CSMD1: variants seen among roughly 807,000 people sequenced by gnomAD.
CSMD1 encodes the protein CUB and Sushi multiple domains 1, also known as CUB and sushi domain-containing protein 1.
Under a neutral mutation model 417.5 loss-of-function variants are expected in CSMD1, and 213 were observed. That is an observed-to-expected ratio of 0.51 (90% CI 0.46 to 0.57). CSMD1 has a LOEUF of 0.57. Among genes scored for constraint, CSMD1 ranks in the 20% least tolerant of loss-of-function variants. The pLI, the probability that CSMD1 is intolerant of heterozygous loss-of-function variation, is 0.00. For missense variants in CSMD1, 6,923 were observed against 4,529.7 expected, an observed-to-expected ratio of 1.53 and a Z score of -15.17; for synonymous variants, 2,862 against 1,736.8, an observed-to-expected ratio of 1.65 and a Z score of -16.11.
intron 3 of CSMD1, among the ~76,000 whole-genome samples, chr8:4,309,703 G>A (rs901114422): frequency 6.6e-6 from 1 of 151,834 alleles, no homozygotes; most frequent in African/African-American, 2.4e-5. Context: ...TTTACTCTAG[G>A]GATTGTAACA....
At chr8:4,498,991 T>C (rs1802116572) in intron 2 of CSMD1, among the ~76,000 whole-genome samples, 1 of 152,176 alleles carries the variant, frequency 6.6e-6, no homozygotes, top group Admixed American at 6.5e-5. Context: ...TAAAAAAAAG[T>C]AATTGAAACA....
chr8:4,298,186 C>T (rs1249031908), intron 3 of CSMD1, among the ~76,000 whole-genome samples: 2 of 152,050 alleles, frequency 1.3e-5, no homozygotes, highest in African/African-American at 4.8e-5. Context: ...GAGGAATCTG[C>T]CTTAGTTAAA....
At chr8:3,393,786 C>A (rs376081150) in intron 17 of CSMD1, among the ~76,000 whole-genome samples, 1 of 150,622 alleles carries the variant, frequency 6.6e-6, no homozygotes. Context: ...GGGAATTGAA[C>A]AATGAGAACA....
intron 51 of CSMD1, among the ~76,000 whole-genome samples, chr8:3,023,490 T>A (rs1009056551): frequency 2.0e-5 from 3 of 152,164 alleles, no homozygotes; most frequent in Non-Finnish European, 4.4e-5. Context: ...CCTCTACATA[T>A]TCAATTTTAA....
At chr8:3,394,099 A>G (rs1381981788) in intron 17 of CSMD1, among the ~76,000 whole-genome samples, 2 of 139,130 alleles carry the variant, frequency 1.4e-5, no homozygotes, top group Admixed American at 1.5e-4. Context: ...TCTGAGGGGT[A>G]CTCCAGGTGA....
chr8:3,869,243 A>G (rs531182738), intron 5 of CSMD1, among the ~76,000 whole-genome samples: 2 of 152,264 alleles, frequency 1.3e-5, no homozygotes, highest in Non-Finnish European at 1.5e-5. Flanking sequence ...CTAGCACTGC[A>G]TGCCTTCACT....
chr8:3,658,738 G>A (rs892544473), intron 7 of CSMD1, among the ~76,000 whole-genome samples: 5 of 152,052 alleles, frequency 3.3e-5, no homozygotes, highest in Non-Finnish European at 7.4e-5. Context: ...AGCCAAGATC[G>A]TGCCACTGAA....
chr8:2,939,808 A>C (rs926187696), intron 69 of CSMD1, among the ~76,000 whole-genome samples: 2 of 152,232 alleles, frequency 1.3e-5, no homozygotes, highest in African/African-American at 4.8e-5. Flanking sequence ...TTGTGCTTGG[A>C]ACATGCGCCA....
chr8:3,108,829 AT>A, intron 43 of CSMD1, 81 bp from the exon 44 acceptor site: 6 of 1,372,870 alleles, frequency 4.4e-6, no homozygotes, highest in Non-Finnish European at 4.0e-6. Context: ...TAATGAATTA[AT>A]TTTTTTAATA....
intron 30 of CSMD1, among the ~76,000 whole-genome samples, chr8:3,208,056 T>C (rs999485912): frequency 2.6e-5 from 4 of 152,172 alleles, no homozygotes; most frequent in African/African-American, 9.7e-5. Flanking sequence ...CCTCAAAAGC[T>C]TCAAGTTCAA....
At chr8:4,290,786 G>C (rs756753317) in intron 3 of CSMD1, among the ~76,000 whole-genome samples, 1 of 151,950 alleles carries the variant, frequency 6.6e-6, no homozygotes, top group African/African-American at 2.4e-5. Context: ...TGATTTTTTG[G>C]TAAGCTTTTA....
In CSMD1 at chr8:2,954,230, T is replaced by A. The variant is rs1287699743; in HGVS notation, c.10033A>T (p.Thr3345Ser). 1 of 1,498,252 alleles carries A rather than the reference T, an allele frequency of 6.7e-7. No individual in the cohort carries two copies. The highest frequency in any genetic ancestry group is 2.5e-5 in the East Asian group (1 of 40,178). 92.8% of individuals were successfully genotyped at this position (1,498,252 alleles called of 1,614,324 possible). ...ACTGTTCTGGTATACAAACCTGGAGTTTTAGTAACTGTTTCATTAACTTCT... is the reference window on the plus strand; with the variant it reads ...ACTGTTCTGGTATACAAACCTGGAGATTTAGTAACTGTTTCATTAACTTCT... Reference protein sequence around the residue: ...VREVNETVTKTPVPSDVFFVN... With the variant: ...VREVNETVTKSPVPSDVFFVN... The change falls in exon 65 of 70, where the codon ACT (threonine) becomes TCT (serine). Residue 3345 changes from threonine to serine, a missense_variant. By Grantham distance (58) the Thr-to-Ser change is moderately conservative. Coordinates refer to ENST00000635120, the MANE Select transcript of CSMD1 (RefSeq NM_033225.6).
At chr8:3,596,357 A>T (rs1049943077) in intron 8 of CSMD1, among the ~76,000 whole-genome samples, 1 of 152,200 alleles carries the variant, frequency 6.6e-6, no homozygotes, top group Non-Finnish European at 1.5e-5. Flanking sequence ...GAAGTGACAT[A>T]TATTACTAAC....
At chr8:4,810,161 T>C (rs1208882942) in intron 1 of CSMD1, among the ~76,000 whole-genome samples, 1 of 152,212 alleles carries the variant, frequency 6.6e-6, no homozygotes, top group Non-Finnish European at 1.5e-5. Flanking sequence ...TTCTAAAATA[T>C]TTTATGTAAA....
intron 5 of CSMD1, among the ~76,000 whole-genome samples, chr8:3,981,500 T>TAAAAAAAAAAAAAAAAAA (rs200296436): frequency 2.6e-5 from 3 of 115,070 alleles, no homozygotes; most frequent in Non-Finnish European, 5.2e-5. Context: ...TAGAAAAAAG[T>TAAAAAAAAAAAAAAAAAA]AAAAAAAAAA....
chr8:4,481,050 C>A (rs1801072397), intron 2 of CSMD1, among the ~76,000 whole-genome samples: 1 of 152,200 alleles, frequency 6.6e-6, no homozygotes, highest in African/African-American at 2.4e-5. Context: ...CAAGTAGTGA[C>A]AAGATATGAA....
chr8:2,987,253 A>T (rs1243868096), intron 54 of CSMD1, among the ~76,000 whole-genome samples: 1 of 151,988 alleles, frequency 6.6e-6, no homozygotes, highest in Non-Finnish European at 1.5e-5. Flanking sequence ...TTTTATAAGG[A>T]TAATTCTTGA....
At chr8:3,320,403 A>G (rs1383004304) in intron 23 of CSMD1, among the ~76,000 whole-genome samples, 2 of 152,196 alleles carry the variant, frequency 1.3e-5, no homozygotes, top group African/African-American at 4.8e-5. Context: ...TTTTACAAGA[A>G]AAACTAAAGG....
At chr8:4,059,432 TA>T (rs1176584621) in intron 3 of CSMD1, among the ~76,000 whole-genome samples, 1 of 151,880 alleles carries the variant, frequency 6.6e-6, no homozygotes, top group East Asian at 1.9e-4. Context: ...AGGCAAGAAA[TA>T]ACTAAAATCA....
Sources: allele counts gnomAD v4.1 joint callset (sites outside exome capture counted in the v4.1 genomes callset), GRCh38; gene constraint gnomAD v4.1.1; transcripts MANE v1.5; gene names NCBI Gene and HGNC (gene_info 2026-07-23, HGNC 2026-07-21).